Variants in CABCOCO1 observed in about 807,000 individuals in gnomAD.
CABCOCO1 encodes ciliary-associated calcium-binding coiled-coil protein 1.
In CABCOCO1, 28 loss-of-function variants were observed where a neutral mutation model predicts 35.7. The ratio of observed to expected loss-of-function variants is 0.78; its 90% CI spans 0.58 to 1.07. The LOEUF is 1.07. Among genes scored for constraint, CABCOCO1 ranks in the 50% least tolerant of loss-of-function variants. CABCOCO1 has a pLI of 0.00. For missense variants in CABCOCO1, 326 were observed against 309.2 expected (o/e 1.05, Z -0.41); for synonymous variants, 95 against 100.1 (o/e 0.95, Z 0.30).
chr10:61,676,695 TAAAAG>T lies in CABCOCO1; in HGVS notation c.164+3965_164+3969del, dbSNP rs568628354. On this transcript the variant is annotated intron_variant, in intron 2 of 7. Transcript: ENST00000648843. ...AGTATGTGAAAAACTTTTATAAACT[TAAAAG>T]AAAAAGTAACCTATAGAGGACATTA... is the stretch of plus-strand genomic sequence containing the variant. 1.7e-3 allele frequency among the ~76,000 whole-genome samples: 257 copies of T among 152,182 alleles called. 3 individuals carry two copies. The South Asian group carries it at 0.035, about 21-fold the overall frequency.
chr10:61,703,089 T>C (rs1840501372), intron 5 of CABCOCO1, among the ~76,000 whole-genome samples: 3 of 152,128 alleles, frequency 2.0e-5, no homozygotes, highest in Admixed American at 6.6e-5. Context: ...CTGATGAATA[T>C]GGAGTTTCAT....
intron 5 of CABCOCO1, among the ~76,000 whole-genome samples, chr10:61,749,970 C>CT (rs5785493): frequency 0.89 from 130,516 of 146,460 alleles, 58,254 homozygotes; most frequent in Admixed American, 0.93. Flanking sequence ...ATGAGAGCTG[C>CT]TTTTTTTTTT....
At chr10:61,735,202 T>C (rs929215779) in intron 5 of CABCOCO1, among the ~76,000 whole-genome samples, 7 of 152,034 alleles carry the variant, frequency 4.6e-5, no homozygotes, top group African/African-American at 1.7e-4. Flanking sequence ...ATAAAGTAAG[T>C]AAGCATCACA....
At chr10:61,715,046 A>T (rs1840826085) in intron 5 of CABCOCO1, among the ~76,000 whole-genome samples, 1 of 152,178 alleles carries the variant, frequency 6.6e-6, no homozygotes, top group African/African-American at 2.4e-5. Context: ...TGCAGAGCTG[A>T]GTTGAAGTCC....
intron 7 of CABCOCO1, among the ~76,000 whole-genome samples, chr10:61,761,725 G>A (rs1294278098): frequency 6.6e-6 from 1 of 152,082 alleles, no homozygotes; most frequent in Non-Finnish European, 1.5e-5. Flanking sequence ...GCAACCTAGT[G>A]CATATTTAAA....
chr10:61,728,946 G>C (rs1841229797), intron 5 of CABCOCO1, among the ~76,000 whole-genome samples: 2 of 152,128 alleles, frequency 1.3e-5, no homozygotes, highest in Non-Finnish European at 2.9e-5. Flanking sequence ...GCACAGCTTT[G>C]AAATATGGTT....
chr10:61,680,380 CAT>C (rs1313941953), intron 2 of CABCOCO1, among the ~76,000 whole-genome samples: 6 of 119,238 alleles, frequency 5.0e-5, no homozygotes, highest in South Asian at 2.4e-4. Flanking sequence ...ATACATATAA[CAT>C]ATAATATATA....
intron 5 of CABCOCO1, among the ~76,000 whole-genome samples, chr10:61,696,888 T>C (rs1284474631): frequency 1.3e-5 from 2 of 152,086 alleles, no homozygotes; most frequent in Non-Finnish European, 2.9e-5. Flanking sequence ...GCAAAGAATA[T>C]GAACAGATAA....
chr10:61,731,145 C>T (rs894542381), intron 5 of CABCOCO1, among the ~76,000 whole-genome samples: 1 of 150,646 alleles, frequency 6.6e-6, no homozygotes, highest in Non-Finnish European at 1.5e-5. Flanking sequence ...TGTCATTGTA[C>T]TTAAGAAATG....
chr10:61,707,326 T>A (rs1322905032), intron 5 of CABCOCO1, among the ~76,000 whole-genome samples: 1 of 152,020 alleles, frequency 6.6e-6, no homozygotes, highest in Admixed American at 6.6e-5. Flanking sequence ...TCATTAAGAG[T>A]CTGCTAGGCT....
chr10:61,760,160 A>G lies in CABCOCO1; in HGVS notation c.654A>G (p.Thr218=). Residue 218 remains threonine, a synonymous_variant, in exon 6 of 8, where the codon ACA becomes ACG. Transcript: ENST00000648843. ...DIYSTFIEPP[T]ILDTEMKRLD... ...ATTCAACATTCATAGAGCCCCCCAC[A>G]ATATTGGATACGGAAATGAAGGTAT... is the stretch of plus-strand genomic sequence containing the variant. The G allele has an allele frequency of 1.2e-6, 2 of 1,611,644 alleles. No homozygotes were observed. Among genetic ancestry groups the G allele is most frequent in the Non-Finnish European group, 1.7e-6 (2 of 1,178,142 alleles).
chr10:61,708,745 A>T (rs1449033915), intron 5 of CABCOCO1, among the ~76,000 whole-genome samples: 2 of 152,120 alleles, frequency 1.3e-5, no homozygotes, highest in Non-Finnish European at 2.9e-5. Context: ...AATGTTGGGG[A>T]GATGGGAACA....
intron 5 of CABCOCO1, among the ~76,000 whole-genome samples, chr10:61,694,100 G>A (rs1478248669): frequency 6.6e-6 from 1 of 151,656 alleles, no homozygotes; most frequent in Non-Finnish European, 1.5e-5. Flanking sequence ...AAGGGACTTC[G>A]AGGATTTGAT....
intron 5 of CABCOCO1, among the ~76,000 whole-genome samples, chr10:61,740,942 T>C (rs148599184): frequency 3.3e-5 from 5 of 152,194 alleles, no homozygotes; most frequent in African/African-American, 7.2e-5. Flanking sequence ...AGGTCAGCAG[T>C]TCGAGACCAG....
intron 5 of CABCOCO1, among the ~76,000 whole-genome samples, chr10:61,749,104 C>A (rs1340362911): frequency 6.6e-6 from 1 of 152,108 alleles, no homozygotes; most frequent in East Asian, 1.9e-4. Flanking sequence ...AGTCTATAGT[C>A]AATTTTCTGA....
Position 61,737,659 on chromosome 10 carries a change from G to A in CABCOCO1, c.553-22400G>A, listed in dbSNP as rs368500161. ...ACAAGATCATGCCTTTTGCAGGAAC[G>A]TGGTCGGAGCCAAAGGCTATCATCT... On this transcript the variant is annotated intron_variant, in intron 5 of 7. Coordinates refer to ENST00000648843, the MANE Select transcript of CABCOCO1 (RefSeq NM_001366906.2). Among the ~76,000 whole-genome samples, 4 of 152,150 alleles carry A rather than the reference G, an allele frequency of 2.6e-5. No individual in the cohort carries two copies. The East Asian group carries it at 7.7e-4, about 29-fold the overall frequency.
Position 61,742,097 on chromosome 10 carries a change from AT to A in CABCOCO1, c.553-17961del, listed in dbSNP as rs1564553125. On this transcript the variant is annotated intron_variant, in intron 5 of 7. Coordinates refer to ENST00000648843, the MANE Select transcript of CABCOCO1 (RefSeq NM_001366906.2). Reference sequence around the variant, plus strand: ...AAGTCGATTTCAGTTTTATTTCAGAATATATATGACAGGACTTGCTGAAAAA... The same window carrying A: ...AAGTCGATTTCAGTTTTATTTCAGAAATATATGACAGGACTTGCTGAAAAA... 6.6e-5 allele frequency among the ~76,000 whole-genome samples: 10 copies of A among 151,972 alleles called. No homozygotes were observed. The East Asian group carries it at 1.2e-3, about 18-fold the overall frequency.
At chr10:61,667,184 TATA>T (rs1240752220) in intron 1 of CABCOCO1, among the ~76,000 whole-genome samples, 1 of 145,896 alleles carries the variant, frequency 6.9e-6, no homozygotes, top group Non-Finnish European at 1.5e-5. Context: ...TTTTACATAT[TATA>T]TATAAATATA....
At chr10:61,749,177 G>T (rs1340989017) in intron 5 of CABCOCO1, among the ~76,000 whole-genome samples, 1 of 152,130 alleles carries the variant, frequency 6.6e-6, no homozygotes, top group Admixed American at 6.5e-5. Flanking sequence ...TTTTTTGCAA[G>T]TAAGTGTTAA....
Sources: gnomAD v4.1 joint callset for allele counts (sites outside exome capture counted in the v4.1 genomes callset) on GRCh38, gnomAD v4.1.1 for gene constraint, MANE v1.5 for transcripts, NCBI Gene and HGNC (gene_info 2026-07-23, HGNC 2026-07-21) for gene names.